Variants in UBE2H observed in about 807,000 individuals in gnomAD.
UBE2H encodes ubiquitin conjugating enzyme E2 H.
UBE2H carries 3 observed loss-of-function variants against 29.0 expected under a neutral mutation model. The ratio of observed to expected loss-of-function variants is 0.10; its 90% confidence interval spans 0.05 to 0.27. The LOEUF is 0.27. Ranked by LOEUF, UBE2H falls within the 10% of genes least tolerant of loss-of-function variation. The pLI, the probability that UBE2H is intolerant of heterozygous loss-of-function variation, is 1.00. For synonymous variants in UBE2H, 69 were observed against 82.9 expected, an observed-to-expected ratio of 0.83 and a Z score of 0.91; for missense variants, 68 against 228.2, an observed-to-expected ratio of 0.30 and a Z score of 4.52.
intron 1 of UBE2H, among the ~76,000 whole-genome samples, chr7:129,943,616 G>A (rs1041970114): frequency 2.0e-5 from 3 of 151,900 alleles, no homozygotes; most frequent in African/African-American, 7.2e-5. Flanking sequence ...CAAAAAACCA[G>A]ATTGGCCAGG....
chr7:129,942,312 A>T (rs1241186823), intron 1 of UBE2H, among the ~76,000 whole-genome samples: 2 of 148,686 alleles, frequency 1.3e-5, no homozygotes, highest in African/African-American at 5.0e-5. Context: ...AGGCAGGGGG[A>T]TCACCTCTCT....
intron 3 of UBE2H, among the ~76,000 whole-genome samples, chr7:129,871,713 C>CAAAAAA (rs369901584): frequency 6.8e-4 from 84 of 124,394 alleles, no homozygotes; most frequent in African/African-American, 2.2e-3. Context: ...GACTCTGTAT[C>CAAAAAA]AAAAAAAAAA....
intron 1 of UBE2H, among the ~76,000 whole-genome samples, chr7:129,911,464 C>T (rs1192523712): frequency 6.6e-6 from 1 of 151,110 alleles, no homozygotes; most frequent in African/African-American, 2.4e-5. Flanking sequence ...GGTAAGTAAA[C>T]AAAAAAACAG....
At chr7:129,877,230 C>T (rs534189495) in intron 3 of UBE2H, among the ~76,000 whole-genome samples, 46 of 152,300 alleles carry the variant, frequency 3.0e-4, no homozygotes, top group African/African-American at 1.0e-3. Flanking sequence ...TAAATTTGCA[C>T]AGCTGATTGT....
chr7:129,862,082 G>A (rs990447549), intron 3 of UBE2H, among the ~76,000 whole-genome samples: 4 of 152,076 alleles, frequency 2.6e-5, no homozygotes, highest in Non-Finnish European at 5.9e-5. Context: ...CAGGTTATAA[G>A]GTACGTGGTC....
rs571774044 is a variant in UBE2H, at chr7:129,947,877, G to C, written c.53+4626C>G. The stretch of plus-strand genomic sequence containing the variant: ...TGAGGATTTTTTTTTTTTGAGATAA[G>C]AGTCTTGCTCTGTCGTCCAGGCTGG... On this transcript the variant is annotated intron_variant, in intron 1 of 6. Transcript: ENST00000355621. Among the ~76,000 whole-genome samples, 7 of 151,830 alleles carry C rather than the reference G, an allele frequency of 4.6e-5. No individual in the cohort carries two copies. In the South Asian group the frequency reaches 8.3e-4, roughly 18 times the overall value.
chr7:129,950,473 C>T (rs2116540167), intron 1 of UBE2H, among the ~76,000 whole-genome samples: 1 of 152,120 alleles, frequency 6.6e-6, no homozygotes, highest in South Asian at 2.1e-4. Context: ...CTCCTAAATG[C>T]GGTAATCATT....
chr7:129,949,076 A>C (rs753989299), intron 1 of UBE2H: 1 of 456,266 alleles, frequency 2.2e-6, no homozygotes, highest in South Asian at 1.6e-5. Context: ...TTCCAAAACA[A>C]GCAGCTCTAG....
chr7:129,861,407 A>G (rs965212731), intron 3 of UBE2H, among the ~76,000 whole-genome samples: 3 of 152,128 alleles, frequency 2.0e-5, no homozygotes, highest in African/African-American at 7.2e-5. Flanking sequence ...TTCAAATCTC[A>G]TCACCACCTC....
intron 1 of UBE2H, among the ~76,000 whole-genome samples, chr7:129,902,794 A>G (rs562157658): frequency 2.0e-5 from 3 of 152,172 alleles, no homozygotes; most frequent in Non-Finnish European, 4.4e-5. Context: ...ACCATTTACA[A>G]AAGTGGGGAT....
intron 1 of UBE2H, among the ~76,000 whole-genome samples, chr7:129,921,143 A>G (rs1420768417): frequency 6.6e-6 from 1 of 152,154 alleles, no homozygotes; most frequent in Non-Finnish European, 1.5e-5. Flanking sequence ...GGTAACAATG[A>G]CCCTTTGCAG....
At chr7:129,902,116 A>G (rs1806727562) in intron 1 of UBE2H, among the ~76,000 whole-genome samples, 1 of 152,172 alleles carries the variant, frequency 6.6e-6, no homozygotes, top group South Asian at 2.1e-4. Context: ...AAAGAGTTCT[A>G]AGAAAAGGCT....
chr7:129,879,229 T>C (rs1806207456), intron 3 of UBE2H, among the ~76,000 whole-genome samples: 1 of 152,236 alleles, frequency 6.6e-6, no homozygotes, highest in South Asian at 2.1e-4. Context: ...GTAACATTCA[T>C]TCTTGCAATC....
At chr7:129,839,164 T>C in intron 6 of UBE2H, 43 bp downstream of exon 6, 2 of 1,595,926 alleles carry the variant, frequency 1.3e-6, no homozygotes, top group Admixed American at 1.8e-5. Context: ...GCCCAACAGA[T>C]TTAAGTTCTT....
chr7:129,904,518 T>C (rs1169926818), intron 1 of UBE2H, among the ~76,000 whole-genome samples: 1 of 152,226 alleles, frequency 6.6e-6, no homozygotes, highest in African/African-American at 2.4e-5. Context: ...CTCATTCTAT[T>C]GTCTATTTCC....
At chr7:129,891,953 C>CTTTTTTTTTTTTTTTTTT (rs753851134) in intron 1 of UBE2H, among the ~76,000 whole-genome samples, 1 of 127,138 alleles carries the variant, frequency 7.9e-6, no homozygotes, top group Admixed American at 8.5e-5. Context: ...CATGCTACAC[C>CTTTTTTTTTTTTTTTTTT]TTTTTTTTTT....
intron 2 of UBE2H, among the ~76,000 whole-genome samples, chr7:129,879,936 A>G (rs1806221378): frequency 6.6e-6 from 1 of 152,046 alleles, no homozygotes; most frequent in African/African-American, 2.4e-5. Flanking sequence ...TTTCCCTCCT[A>G]TCTCAATAAA....
chr7:129,856,453 T>C (rs17162050), intron 5 of UBE2H, among the ~76,000 whole-genome samples: 26,875 of 151,992 alleles, frequency 0.18, 2,612 homozygotes, highest in African/African-American at 0.24. Context: ...AGATAGGAAA[T>C]AATCTAGTAG....
At chr7:129,861,453 G>A (rs1027844613) in intron 3 of UBE2H, among the ~76,000 whole-genome samples, 1 of 152,004 alleles carries the variant, frequency 6.6e-6, no homozygotes, top group Admixed American at 6.5e-5. Context: ...CACAGCAATG[G>A]GAAAAGGCTA....
Sources: gnomAD v4.1 joint callset for allele counts (sites outside exome capture counted in the v4.1 genomes callset) on GRCh38, gnomAD v4.1.1 for gene constraint, MANE v1.5 for transcripts, NCBI Gene and HGNC (gene_info 2026-07-23, HGNC 2026-07-21) for gene names.